Variants in DAP3 observed in about 807,000 individuals in gnomAD.
DAP3 encodes death associated protein 3, also known as small ribosomal subunit protein mS29.
DAP3 carries 28 observed loss-of-function variants against 51.9 expected under a neutral mutation model. That is an observed-to-expected ratio of 0.54 (90% CI 0.40 to 0.74). The LOEUF (loss-of-function observed/expected upper bound fraction) is 0.74. DAP3 is among the 30% of genes least tolerant of loss of function. The pLI, the probability that DAP3 is intolerant of heterozygous loss-of-function variation, is 0.00. For synonymous variants in DAP3, 170 were observed against 170.3 expected (o/e 1.00, Z 0.01); for missense variants, 458 against 483.5 (o/e 0.95, Z 0.49).
At position 155,693,444 on chromosome 1, in the gene DAP3, C is replaced by A. The variant is rs570197886; in HGVS notation, c.-8+4270C>A. Among the ~76,000 whole-genome samples, 375 of 141,896 alleles carry A rather than the reference C, an allele frequency of 2.6e-3. 9 individuals are homozygous for A. Among genetic ancestry groups the A allele is most frequent in the Non-Finnish European group, 2.7e-3 (183 of 68,024 alleles). 93.1% of individuals were successfully genotyped at this position (141,896 alleles called of 152,430 possible). ...GTTCAGGGCCTATTATTGGATTAAT[C>A]ATTTTTGGATGTGGGCCGGCTATAC... On this transcript the variant is annotated intron_variant, in intron 1 of 12. Transcript: ENST00000368336.
intron 5 of DAP3, 70 bp from the exon 6 acceptor site, chr1:155,725,857 C>T (rs1658519478): frequency 6.8e-7 from 1 of 1,475,508 alleles, no homozygotes; most frequent in South Asian, 1.2e-5. Flanking sequence ...AAAAACAAAA[C>T]AAAGCATAAC....
intron 1 of DAP3, among the ~76,000 whole-genome samples, chr1:155,701,298 G>A (rs2149125718): frequency 1.2e-5 from 1 of 85,898 alleles, no homozygotes; most frequent in East Asian, 3.2e-4. Context: ...GTAGAAAGAA[G>A]TAGACATGGG....
intron 1 of DAP3, among the ~76,000 whole-genome samples, chr1:155,697,707 G>A (rs564131315): frequency 3.3e-5 from 5 of 152,210 alleles, no homozygotes; most frequent in East Asian, 1.9e-4. Context: ...TCCATGTCCC[G>A]CTGGGCACAT....
At chr1:155,730,455 A>G (rs985089155) in intron 9 of DAP3, among the ~76,000 whole-genome samples, 3 of 151,968 alleles carry the variant, frequency 2.0e-5, no homozygotes, top group Non-Finnish European at 4.4e-5. Context: ...TACAAAAAAT[A>G]TAAAAAACTA....
intron 2 of DAP3, among the ~76,000 whole-genome samples, chr1:155,715,127 C>A (rs1387224165): frequency 6.6e-6 from 1 of 150,972 alleles, no homozygotes; most frequent in African/African-American, 2.4e-5. Context: ...CACTTGAACC[C>A]AGGAGGCGGA....
At chr1:155,706,499 C>T (rs866506644) in intron 1 of DAP3, among the ~76,000 whole-genome samples, 4 of 152,236 alleles carry the variant, frequency 2.6e-5, no homozygotes, top group African/African-American at 7.2e-5. Flanking sequence ...TGTCTGGGTG[C>T]GGTGGCTCAC....
At chr1:155,703,268 G>A (rs1258199350) in intron 1 of DAP3, among the ~76,000 whole-genome samples, 2 of 152,166 alleles carry the variant, frequency 1.3e-5, no homozygotes, top group African/African-American at 2.4e-5. Context: ...ACGTGGCTAC[G>A]GAGGTCTTAC....
upstream of DAP3, chr1:155,688,797 A>G: frequency 1.9e-6 from 3 of 1,546,076 alleles, no homozygotes; most frequent in Non-Finnish European, 2.6e-6. Flanking sequence ...TGCGCCTCCC[A>G]CAGTCCCCAC....
At chr1:155,726,104 T>C (rs1039842070) in intron 6 of DAP3, 85 bp downstream of exon 6, 6 of 1,170,554 alleles carry the variant, frequency 5.1e-6, no homozygotes, top group Non-Finnish European at 7.2e-6. Context: ...TTTTCTTTTC[T>C]TTTCTTTTCT....
rs1298460422 is a variant in DAP3, at chr1:155,709,821, T to C, written c.42T>C (p.His14=). The part of the protein sequence containing the change: ...KGITRLISRI[H]KLDPGRFLHM... ...TAACAAGGCTTATCTCTAGGATCCA[T>C]AAGGTGAGTCCTGACTGACCTGAAC... Residue 14 remains histidine (H), a synonymous_variant, in exon 2 of 13, where the codon CAT becomes CAC. Transcript: ENST00000368336. The C allele has an allele frequency of 6.2e-7, 1 of 1,613,566 alleles. No individual in the cohort carries two copies. The highest frequency in any genetic ancestry group is 8.5e-7 in the Non-Finnish European group (1 of 1,179,816).
intron 1 of DAP3, among the ~76,000 whole-genome samples, chr1:155,699,796 G>A (rs1017266294): frequency 6.6e-6 from 1 of 151,894 alleles, no homozygotes. Context: ...TAAATTTTTG[G>A]TAGAGGACAA....
chr1:155,717,169 G>A lies in DAP3; in HGVS notation c.168+41G>A, dbSNP rs1046511203. On this transcript the variant is annotated intron_variant, in intron 3 of 12. Transcript: ENST00000368336. ...GTATATGGGGTTTCTCAGGGCTTAT[G>A]ATTTGTGTTCCTGTCCTCATTTTGC... The A allele has an allele frequency of 2.5e-6, 4 of 1,595,764 alleles. No homozygotes were observed. In the African/African-American group the frequency reaches 5.4e-5, roughly 22 times the overall value.
rs925547082 is a variant in DAP3, at chr1:155,717,078, G to T, written c.118G>T (p.Val40Phe). 2 of 1,614,118 alleles carry T rather than the reference G, an allele frequency of 1.2e-6. No homozygotes were observed. Among genetic ancestry groups the T allele is most frequent in the South Asian group, 1.1e-5 (1 of 91,086 alleles). The change falls in exon 3 of 13, where the codon GTT (valine) becomes TTT (phenylalanine). Residue 40 changes from valine to phenylalanine, a missense_variant. Physicochemically the swap from Val to Phe is conservative, Grantham distance 50. Transcript: ENST00000368336. Reference sequence around the variant, plus strand: ...CATTGCTGCTCACCTAGATAACCAGGTTCCAGTTGAGAGTCCGAGAGCTAT... The same window carrying T: ...CATTGCTGCTCACCTAGATAACCAGTTTCCAGTTGAGAGTCCGAGAGCTAT... Reference protein sequence around the residue: ...QSIAAHLDNQVPVESPRAISR... With the variant: ...QSIAAHLDNQFPVESPRAISR...
At chr1:155,708,660 G>C (rs796755675) in intron 1 of DAP3, among the ~76,000 whole-genome samples, 12 of 146,652 alleles carry the variant, frequency 8.2e-5, no homozygotes, top group African/African-American at 3.0e-4. Context: ...TTAGCCTCCA[G>C]AGTAGCTGGG....
At position 155,693,892 on chromosome 1, in the gene DAP3, C is replaced by CGGA. The variant is rs1455028029; in HGVS notation, c.-8+4721_-8+4723dup. Reference sequence around the variant, plus strand: ...AGGAGAATCCCTTGAACTTGGGGGGCGGAGGTTGCAGTGAGCTGAGATTGC... The same window carrying CGGA: ...AGGAGAATCCCTTGAACTTGGGGGGCGGAGGAGGTTGCAGTGAGCTGAGATTGC... On this transcript the variant is annotated intron_variant, in intron 1 of 12. Transcript: ENST00000368336. Among the ~76,000 whole-genome samples, 14 of 140,206 alleles carry CGGA rather than the reference C, an allele frequency of 1.0e-4. 1 individual carries two copies. Among genetic ancestry groups the CGGA allele is most frequent in the Admixed American group, 7.3e-4 (11 of 14,984 alleles). The allele number at this position is 140,206 out of a possible 152,430, so 92.0% of individuals were successfully genotyped here. A position where few individuals can be genotyped will look rare whatever the true frequency, so the allele number is the denominator to read the frequency against.
intron 2 of DAP3, among the ~76,000 whole-genome samples, chr1:155,711,673 A>T (rs1271751320): frequency 6.6e-6 from 1 of 151,474 alleles, no homozygotes; most frequent in Non-Finnish European, 1.5e-5. Context: ...AGTATATATG[A>T]AGGAGAGTTT....
At chr1:155,699,650 G>T (rs1654939257) in intron 1 of DAP3, among the ~76,000 whole-genome samples, 1 of 152,042 alleles carries the variant, frequency 6.6e-6, no homozygotes. Flanking sequence ...GTCTTACTCT[G>T]TTACCTGGGC....
In DAP3 at chr1:155,732,003, A is replaced by G; in HGVS notation, c.963A>G (p.Lys321=). The part of the protein sequence containing the change: ...SQTGSLFKPR[K]AYLPQELLGK... ...CTGGGTCTCTCTTTAAGCCCCGGAA[A>G]GCCTATCTGCCCCAGGAGTTGCTGG... The change falls in exon 11 of 13, where the codon AAA becomes AAG. Residue 321 remains lysine (K), a synonymous_variant. Transcript: ENST00000368336. 6.2e-7 allele frequency: 1 copy of G among 1,612,160 alleles called. No homozygotes were observed. Among genetic ancestry groups the G allele is most frequent in the East Asian group, 2.2e-5 (1 of 44,762 alleles).
At chr1:155,706,653 G>T in intron 1 of DAP3, among the ~76,000 whole-genome samples, 1 of 151,870 alleles carries the variant, frequency 6.6e-6, no homozygotes, top group East Asian at 1.9e-4. Context: ...TGTAGTCCCA[G>T]CTATTTAGGC....
Sources: gnomAD v4.1 joint callset for allele counts (sites outside exome capture counted in the v4.1 genomes callset) on GRCh38, gnomAD v4.1.1 for gene constraint, MANE v1.5 for transcripts, NCBI Gene and HGNC (gene_info 2026-07-23, HGNC 2026-07-21) for gene names.